The following PLAAT5 variants were observed in gnomAD, a reference collection of about 807,000 sequenced individuals.
The protein encoded by PLAAT5 is phospholipase A and acyltransferase 5, also known as Ca(2+)-independent N-acyltransferase.
In PLAAT5, 27 loss-of-function variants were observed where a neutral mutation model predicts 27.8. The ratio of observed to expected loss-of-function variants is 0.97; its 90% CI spans 0.72 to 1.34. PLAAT5 has a LOEUF of 1.34. Among genes scored for constraint, PLAAT5 ranks in the 40% most tolerant of loss-of-function variants. The probability of loss-of-function intolerance (pLI) is 0.00; values close to 1 mark genes in which losing one functional copy is unlikely to be tolerated. For synonymous variants in PLAAT5, 125 were observed against 136.1 expected (o/e 0.92, Z 0.57); for missense variants, 368 against 343.8 (o/e 1.07, Z -0.56).
rs146829823 is a variant in PLAAT5, at chr11:63,463,334, T to C, written c.*169A>G. The stretch of plus-strand genomic sequence containing the variant: ...CCCATCCTGAGAGTCTGTGGGTCTA[T>C]GCTCGTATATATTGGATGTATTTCT... On this transcript the variant is annotated 3_prime_UTR_variant, in exon 6 of 6. Transcript: ENST00000540857. 15 of 657,992 alleles carry C rather than the reference T, an allele frequency of 2.3e-5. No homozygotes were observed. Among genetic ancestry groups the C allele is most frequent in the African/African-American group, 1.1e-4 (6 of 56,084 alleles). 40.8% of individuals were successfully genotyped at this position (657,992 alleles called of 1,614,324 possible). A position where few individuals can be genotyped will look rare whatever the true frequency, so the allele number is the denominator to read the frequency against.
Position 63,491,115 on chromosome 11 carries a change from G to A in PLAAT5, c.-81C>T. On this transcript the variant is annotated 5_prime_UTR_variant, in exon 1 of 6. Transcript: ENST00000540857. ...GAGTTCCCAGTCGGCGCGGCCCCTG[G>A]TCGGCGGAGCCGCGGAAGCTTGGGC... is the stretch of plus-strand genomic sequence containing the variant. The A allele has an allele frequency of 8.1e-7, 1 of 1,229,626 alleles. No individual in the cohort carries two copies. The highest frequency in any genetic ancestry group is 1.1e-6 in the Non-Finnish European group (1 of 951,946). 76.2% of individuals were successfully genotyped at this position (1,229,626 alleles called of 1,614,324 possible). A position where few individuals can be genotyped will look rare whatever the true frequency, so the allele number is the denominator to read the frequency against.
intron 3 of PLAAT5, among the ~76,000 whole-genome samples, chr11:63,475,312 T>C (rs1480478627): frequency 6.6e-6 from 1 of 152,142 alleles, no homozygotes; most frequent in Non-Finnish European, 1.5e-5. Context: ...TTTTGCTTCA[T>C]ACTTTTTGGG....
At chr11:63,480,062 C>CA (rs1411623632) in intron 3 of PLAAT5, among the ~76,000 whole-genome samples, 1 of 152,178 alleles carries the variant, frequency 6.6e-6, no homozygotes, top group African/African-American at 2.4e-5. Context: ...GCAGGGCTCT[C>CA]AGAGTCGGCC....
intron 3 of PLAAT5, among the ~76,000 whole-genome samples, chr11:63,480,079 G>A (rs908297534): frequency 2.0e-5 from 3 of 152,188 alleles, no homozygotes; most frequent in African/African-American, 7.2e-5. Context: ...GGCCAAGCCA[G>A]CTGGACGGTC....
chr11:63,465,310 C>A (rs931525336), intron 5 of PLAAT5, among the ~76,000 whole-genome samples: 5 of 151,176 alleles, frequency 3.3e-5, no homozygotes, highest in African/African-American at 1.2e-4. Flanking sequence ...AAGCTGAGAA[C>A]CTACATCTTT....
chr11:63,476,653 T>G (rs1180905622), intron 3 of PLAAT5, among the ~76,000 whole-genome samples: 2 of 152,216 alleles, frequency 1.3e-5, no homozygotes. Context: ...CTCTTTGTGT[T>G]TGGCTTTCAT....
Position 63,491,075 on chromosome 11 carries a change from G to C in PLAAT5, c.-41C>G. ...TCGCCGGCCCCCAGGCCTTGCAGGG[G>C]ACTACGCCCCTGGCGAGTTCCCAGT... On this transcript the variant is annotated 5_prime_UTR_variant, in exon 1 of 6. Transcript: ENST00000540857. The C allele has an allele frequency of 1.0e-5, 14 of 1,376,398 alleles. No homozygotes were observed. The highest frequency in any genetic ancestry group is 1.5e-5 in the African/African-American group (1 of 65,292). The allele number at this position is 1,376,398 out of a possible 1,614,324, so 85.3% of individuals were successfully genotyped here.
rs192091403 is a variant in PLAAT5, at chr11:63,486,457, C to T, written c.345+2414G>A. On this transcript the variant is annotated intron_variant, in intron 3 of 5. Coordinates refer to ENST00000540857, the MANE Select transcript of PLAAT5 (RefSeq NM_001146729.2). ...ATGCACACACACACACATACACACA[C>T]ACCACGGAATACTACTCAGCCGTAA... Among the ~76,000 whole-genome samples, 323 of 152,200 alleles carry T rather than the reference C, an allele frequency of 2.1e-3. 1 individual carries two copies. The highest frequency in any genetic ancestry group is 7.1e-3 in the African/African-American group (293 of 41,508).
chr11:63,488,676 T>G (rs1019075293), intron 3 of PLAAT5, among the ~76,000 whole-genome samples, 195 bp downstream of exon 3: 48 of 115,454 alleles, frequency 4.2e-4, no homozygotes, highest in African/African-American at 1.5e-3. Flanking sequence ...TTTTTGTGGG[T>G]TTTTTTTTTT....
intron 3 of PLAAT5, among the ~76,000 whole-genome samples, chr11:63,482,793 G>A (rs927160243): frequency 6.6e-6 from 1 of 152,114 alleles, no homozygotes. Flanking sequence ...TGGCCTAAAT[G>A]CTCCACTTAA....
intron 4 of PLAAT5, among the ~76,000 whole-genome samples, chr11:63,466,811 C>T (rs544387012): frequency 6.6e-6 from 1 of 152,320 alleles, no homozygotes; most frequent in South Asian, 2.1e-4. Context: ...TCCCTCTGGG[C>T]TGCCACAGGG....
intron 3 of PLAAT5, among the ~76,000 whole-genome samples, chr11:63,473,283 C>T (rs988259631): frequency 6.6e-6 from 1 of 152,094 alleles, no homozygotes; most frequent in Non-Finnish European, 1.5e-5. Context: ...AGCGTGTGCT[C>T]GCTTTGTTAG....
intron 5 of PLAAT5, among the ~76,000 whole-genome samples, chr11:63,465,703 C>A (rs1238321723): frequency 6.6e-6 from 1 of 151,864 alleles, no homozygotes; most frequent in Non-Finnish European, 1.5e-5. Context: ...GGCAGGAGGA[C>A]GGCCTGAGCC....
chr11:63,467,901 ACAG>A (rs2015905454), intron 4 of PLAAT5, among the ~76,000 whole-genome samples: 1 of 152,232 alleles, frequency 6.6e-6, no homozygotes, highest in South Asian at 2.1e-4. Context: ...GCATGTTGGA[ACAG>A]CAGCGAGACA....
intron 5 of PLAAT5, 108 bp from the exon 6 acceptor site, chr11:63,463,703 A>G: frequency 2.4e-6 from 2 of 820,848 alleles, no homozygotes; most frequent in East Asian, 4.9e-5. Context: ...TCTGGAGTCT[A>G]TTCCCAAGAG....
chr11:63,466,797 C>T (rs1158825927), intron 4 of PLAAT5, among the ~76,000 whole-genome samples: 3 of 152,120 alleles, frequency 2.0e-5, no homozygotes, highest in Admixed American at 6.6e-5. Context: ...TTCCATGTCA[C>T]GCCTCCCTCT....
Position 63,461,933 on chromosome 11 carries a change from CAAGCCAGTAAA to C in PLAAT5, c.*1559_*1569del, listed in dbSNP as rs1213504975. On this transcript the variant is annotated 3_prime_UTR_variant, in exon 6 of 6. Transcript: ENST00000540857. The stretch of plus-strand genomic sequence containing the variant: ...TAGAGAGTCTCTGTCCCATTGGGTT[CAAGCCAGTAAA>C]AAGCCAGAGAAGTGTCTTTCTGTCC... 1 of 151,768 alleles carries C rather than the reference CAAGCCAGTAAA, an allele frequency of 6.6e-6. No homozygotes were observed. Among genetic ancestry groups the C allele is most frequent in the Non-Finnish European group, 1.5e-5 (1 of 67,736 alleles). The allele number at this position is 151,768 out of a possible 1,614,324, so 9.4% of individuals were successfully genotyped here.
At chr11:63,484,159 G>GA (rs763657277) in intron 3 of PLAAT5, among the ~76,000 whole-genome samples, 1,094 of 107,170 alleles carry the variant, frequency 0.01, 12 homozygotes, top group African/African-American at 0.027. Context: ...GCCAACAACA[G>GA]AAAAAAAAAA....
chr11:63,480,294 C>T (rs2016253834), intron 3 of PLAAT5, among the ~76,000 whole-genome samples: 1 of 152,160 alleles, frequency 6.6e-6, no homozygotes, highest in Non-Finnish European at 1.5e-5. Context: ...CATTGTGAGG[C>T]CAATCTAAGC....
Sources: allele counts gnomAD v4.1 joint callset (sites outside exome capture counted in the v4.1 genomes callset), GRCh38; gene constraint gnomAD v4.1.1; transcripts MANE v1.5; gene names NCBI Gene and HGNC (gene_info 2026-07-23, HGNC 2026-07-21).